PARK7: variants seen among roughly 807,000 people sequenced by gnomAD.
The protein encoded by PARK7 is Parkinson disease protein 7.
Under a neutral mutation model 20.5 loss-of-function variants are expected in PARK7, and 14 were observed. The observed-to-expected ratio is 0.68, with a 90% confidence interval of 0.45 to 1.07. The LOEUF (loss-of-function observed/expected upper bound fraction) is 1.07. Among genes scored for constraint, PARK7 ranks in the 50% least tolerant of loss-of-function variants. The pLI is 0.00. For synonymous variants in PARK7, 98 were observed against 84.3 expected (o/e 1.16, Z -0.89); for missense variants, 234 against 238.1 (o/e 0.98, Z 0.11).
At position 7,970,796 on chromosome 1, in the gene PARK7, G is replaced by A. The variant is rs6703670; in HGVS notation, c.253-98G>A. ...TTGGAAAATAGGTCAGAGAGCTTGT[G>A]GTTTAAACTAAAATTAAATTCTTCC... On this transcript the variant is annotated intron_variant, in intron 4 of 6. Transcript: ENST00000338639. 0.053 allele frequency: 59,304 copies of A among 1,122,424 alleles called. 1,889 individuals are homozygous for A. Among genetic ancestry groups the A allele is most frequent in the African/African-American group, 0.087 (5,682 of 64,996 alleles). 69.5% of individuals were successfully genotyped at this position (1,122,424 alleles called of 1,614,324 possible). A position where few individuals can be genotyped will look rare whatever the true frequency, so the allele number is the denominator to read the frequency against.
At chr1:7,977,591 C>T (rs757761517) in intron 5 of PARK7, 61 bp from the exon 6 acceptor site, 35 of 1,471,372 alleles carry the variant, frequency 2.4e-5, no homozygotes, top group Non-Finnish European at 2.7e-5. Flanking sequence ...GGCACTATTG[C>T]GATTTTTTAA....
In PARK7 at chr1:7,984,979, G is replaced by C; in HGVS notation, c.495G>C (p.Ala165=). 6.2e-7 allele frequency: 1 copy of C among 1,614,186 alleles called. No individual in the cohort carries two copies. The highest frequency in any genetic ancestry group is 1.1e-5 in the South Asian group (1 of 91,078). ...SRGPGTSFEF[A]LAIVEALNGK... Reference sequence around the variant, plus strand: ...GGCCTGGGACCAGCTTCGAGTTTGCGCTTGCAATTGTTGAAGCCCTGAATG... The same window carrying C: ...GGCCTGGGACCAGCTTCGAGTTTGCCCTTGCAATTGTTGAAGCCCTGAATG... Residue 165 remains alanine, a synonymous_variant, in exon 7 of 7, where the codon GCG becomes GCC. Transcript: ENST00000338639. The surrounding 1 kb of genome is among the most constrained non-coding windows in gnomAD (Gnocchi z 4.3).
Position 7,985,237 on chromosome 1 carries a change from A to G in PARK7, c.*183A>G. The G allele has an allele frequency of 1.3e-6, 1 of 777,696 alleles. No homozygotes were observed. Among genetic ancestry groups the G allele is most frequent in the Non-Finnish European group, 2.1e-6 (1 of 479,794 alleles). 48.2% of individuals were successfully genotyped at this position (777,696 alleles called of 1,614,324 possible). On this transcript the variant is annotated 3_prime_UTR_variant, in exon 7 of 7. Transcript: ENST00000338639. ...CTCAGCCTACAAATTGTGTCTATAC[A>G]TTTCTAAGCCTTGTTTGCAGAATAA... is the stretch of plus-strand genomic sequence containing the variant.
chr1:7,969,450 G>T (rs2641117), intron 4 of PARK7, 46 bp downstream of exon 4: 7 of 740,542 alleles, frequency 9.5e-6, no homozygotes, highest in East Asian at 5.1e-5. Context: ...TGGGGGGGGG[G>T]AAAAACTAAA....
intron 5 of PARK7, among the ~76,000 whole-genome samples, chr1:7,975,576 G>A (rs1291498434): frequency 3.9e-5 from 6 of 152,210 alleles, no homozygotes; most frequent in Non-Finnish European, 7.3e-5. Context: ...CTCTTCTCCA[G>A]TATTCCAAAT....
At chr1:7,966,987 G>T (rs1430435470) in intron 3 of PARK7, among the ~76,000 whole-genome samples, 1 of 152,018 alleles carries the variant, frequency 6.6e-6, no homozygotes, top group Non-Finnish European at 1.5e-5. Flanking sequence ...GTCATTCTAC[G>T]GGGGTATAGA....
chr1:7,976,911 A>G (rs1237585426), intron 5 of PARK7, among the ~76,000 whole-genome samples: 1 of 152,150 alleles, frequency 6.6e-6, no homozygotes, highest in Non-Finnish European at 1.5e-5. Context: ...TAGTAGAGAC[A>G]GGGTTCCAGC....
intron 4 of PARK7, among the ~76,000 whole-genome samples, chr1:7,970,347 T>A (rs545454568): frequency 4.8e-4 from 73 of 152,182 alleles, no homozygotes; most frequent in Non-Finnish European, 9.0e-4. Context: ...GGGCAAATTG[T>A]CTACTCAAAG....
intron 3 of PARK7, chr1:7,968,992 G>T (rs1343394798): frequency 9.6e-6 from 2 of 207,644 alleles, no homozygotes; most frequent in East Asian, 2.3e-4. Context: ...GTGACTACCT[G>T]TATACAGAAT....
At chr1:7,981,719 C>T (rs1180252942) in intron 6 of PARK7, among the ~76,000 whole-genome samples, 3 of 147,644 alleles carry the variant, frequency 2.0e-5, no homozygotes, top group African/African-American at 5.0e-5. Context: ...AGTACAGTGG[C>T]ACGATCTGTG....
intron 2 of PARK7, among the ~76,000 whole-genome samples, chr1:7,964,222 CTG>C (rs1389147586): frequency 1.3e-5 from 2 of 152,196 alleles, no homozygotes; most frequent in Non-Finnish European, 2.9e-5. Flanking sequence ...AGAACTAACT[CTG>C]TGCCAGGCAG....
intron 4 of PARK7, among the ~76,000 whole-genome samples, chr1:7,970,239 G>A (rs1425131607): frequency 1.1e-4 from 17 of 152,114 alleles, no homozygotes; most frequent in Admixed American, 6.6e-5. Context: ...TGAATTGGTG[G>A]GACCGTTATG....
intron 6 of PARK7, among the ~76,000 whole-genome samples, chr1:7,983,690 C>T (rs1321028930): frequency 6.6e-6 from 1 of 152,230 alleles, no homozygotes; most frequent in Non-Finnish European, 1.5e-5. Flanking sequence ...GCACTCTGGA[C>T]AGTTAGCTTT....
rs1168246008 is a variant in PARK7 at position 7,984,705 on chromosome 1, T to G, written c.410-189T>G. Among the ~76,000 whole-genome samples the G allele has an allele frequency of 6.6e-6, 1 of 152,266 alleles. No individual in the cohort carries two copies. Among genetic ancestry groups the G allele is most frequent in the Non-Finnish European group, 1.5e-5 (1 of 68,046 alleles). ...TCTAACAGTGGTTTCTGTCACCCTT[T>G]GCTCTGCACAGTTTTAAAAATACCT... On this transcript the variant is annotated intron_variant, in intron 6 of 6. Transcript: ENST00000338639. The surrounding 1 kb of genome is among the most constrained non-coding windows in gnomAD (Gnocchi z 4.3).
At position 7,985,050 on chromosome 1, in the gene PARK7, A is replaced by G. The variant is rs1557453472; in HGVS notation, c.566A>G (p.Asp189Gly). 1.9e-6 allele frequency: 3 copies of G among 1,614,122 alleles called. No homozygotes were observed. Among genetic ancestry groups the G allele is most frequent in the Non-Finnish European group, 2.5e-6 (3 of 1,180,006 alleles). The change falls in exon 7 of 7, where the codon GAC becomes GGC. Residue 189 changes from aspartate (D) to glycine (G), a missense_variant. Transcript: ENST00000338639. ...AQVKAPLVLK[D>G] ...GTGAAGGCTCCACTTGTTCTTAAAG[A>G]CTAGAGCAGCGAACTGCGACGATCA...
chr1:7,966,042 T>C (rs1480585163), intron 3 of PARK7, among the ~76,000 whole-genome samples: 3 of 152,192 alleles, frequency 2.0e-5, no homozygotes, highest in Non-Finnish European at 2.9e-5. Flanking sequence ...GTTGGAATTA[T>C]GGCTCTTACC....
At chr1:7,969,457 T>G in intron 4 of PARK7, 53 bp downstream of exon 4, 18 of 1,018,322 alleles carry the variant, frequency 1.8e-5, no homozygotes, top group Middle Eastern at 2.2e-4. Context: ...GGGGAAAAAC[T>G]AAAGAATTTC....
chr1:7,962,702 TG>T, intron 1 of PARK7, 60 bp from the exon 2 acceptor site: 2 of 1,067,146 alleles, frequency 1.9e-6, no homozygotes, highest in Non-Finnish European at 1.4e-6. Flanking sequence ...CTTTAAATTT[TG>T]GGGTATCTCA....
intron 6 of PARK7, chr1:7,982,741 C>A (rs923974155): frequency 6.6e-6 from 1 of 152,224 alleles, no homozygotes; most frequent in Non-Finnish European, 1.5e-5. Flanking sequence ...CCTGGTTTAA[C>A]CATCAGTAAA....
Sources: gnomAD v4.1 joint callset for allele counts (sites outside exome capture counted in the v4.1 genomes callset) on GRCh38, gnomAD v4.1.1 for gene constraint, Gnocchi (gnomAD v3.1) non-coding constraint, MANE v1.5 for transcripts, NCBI Gene and HGNC (gene_info 2026-07-23, HGNC 2026-07-21) for gene names.